Variants in TUBA1A observed in about 807,000 individuals in gnomAD.
TUBA1A encodes tubulin alpha 1a, also known as tubulin alpha-1A chain.
A neutral mutation model predicts 34.6 loss-of-function variants in TUBA1A; 7 were observed. The observed-to-expected ratio is 0.20, with a 90% CI of 0.11 to 0.38. TUBA1A has a LOEUF of 0.38. TUBA1A is among the 10% of genes least tolerant of loss of function. The probability of loss-of-function intolerance (pLI) is 1.00; values close to 1 mark genes in which losing one functional copy is unlikely to be tolerated. For missense variants in TUBA1A, 19 were observed against 581.3 expected (o/e 0.03, Z 9.95); for synonymous variants, 193 against 210.2 (o/e 0.92, Z 0.71).
chr12:49,185,841 G>C lies in TUBA1A; in HGVS notation c.525C>G (p.Pro175=). The change falls in exon 4 of 4, where the codon CCC becomes CCG. Residue 175 remains proline (P), a synonymous_variant. Coordinates refer to ENST00000301071, the MANE Select transcript of TUBA1A (RefSeq NM_006009.4). ...GCTCAACTACAGCTGTGGAAACCTGGGGCGCCGGGTAAATAGAGAACTCCA... is the reference window on the plus strand; with the variant it reads ...GCTCAACTACAGCTGTGGAAACCTGCGGCGCCGGGTAAATAGAGAACTCCA... ...SKLEFSIYPA[P]QVSTAVVEPY... is the part of the protein sequence containing the mutation. 1 of 1,613,870 alleles carries C rather than the reference G, an allele frequency of 6.2e-7. No homozygotes were observed. Among genetic ancestry groups the C allele is most frequent in the Non-Finnish European group, 8.5e-7 (1 of 1,180,008 alleles).
rs200242906 is a variant in TUBA1A at position 49,186,298 on chromosome 12, A to G, written c.375+12T>C. On this transcript the variant is annotated intron_variant, in intron 3 of 3. Transcript: ENST00000301071. This position sits in a 1 kb window ranked among gnomAD's most constrained non-coding sequence, Gnocchi z 6.6. ...GCTCATTAATTTACTTTATTCTTGA[A>G]AAGAAACATACCAGCTTGCGAATTC... is the stretch of plus-strand genomic sequence containing the variant. 9 of 1,612,974 alleles carry G rather than the reference A, an allele frequency of 5.6e-6. No homozygotes were observed. The African/African-American group carries it at 9.3e-5, about 17-fold the overall frequency.
In TUBA1A at chr12:49,186,030, T is replaced by C; in HGVS notation, c.376-40A>G. The C allele has an allele frequency of 6.2e-7, 1 of 1,613,424 alleles. No individual in the cohort carries two copies. The highest frequency in any genetic ancestry group is 8.5e-7 in the Non-Finnish European group (1 of 1,179,660). ...AGGAACAGAGGAAAGGTTAAGTTTT[T>C]ATTCTTTGTAGTACAATCATAGTAA... is the stretch of plus-strand genomic sequence containing the variant. On this transcript the variant is annotated intron_variant, in intron 3 of 3. Transcript: ENST00000301071. This position sits in a 1 kb window ranked among gnomAD's most constrained non-coding sequence, Gnocchi z 6.6.
chr12:49,188,652 G>C lies in TUBA1A; in HGVS notation c.3+325C>G, dbSNP rs1305666773. The stretch of plus-strand genomic sequence containing the variant: ...ACCGTGCGCACAGACACGGGGCCCA[G>C]CCGGGACGCCCCAGACCCCTCGGTC... On this transcript the variant is annotated intron_variant, in intron 1 of 3. Coordinates refer to ENST00000301071, the MANE Select transcript of TUBA1A (RefSeq NM_006009.4). This position sits in a 1 kb window ranked among gnomAD's most constrained non-coding sequence, Gnocchi z 4.9. 5 of 1,436,500 alleles carry C rather than the reference G, an allele frequency of 3.5e-6. No homozygotes were observed. Among genetic ancestry groups the C allele is most frequent in the Non-Finnish European group, 4.5e-6 (5 of 1,100,986 alleles). The allele number at this position is 1,436,500 out of a possible 1,614,324, so 89.0% of individuals were successfully genotyped here. A position where few individuals can be genotyped will look rare whatever the true frequency, so the allele number is the denominator to read the frequency against.
intron 1 of TUBA1A, chr12:49,187,883 G>T: frequency 1.2e-6 from 1 of 827,406 alleles, no homozygotes; most frequent in Non-Finnish European, 1.4e-6. Context: ...CACTTTCATT[G>T]TCTATTCGCT....
intron 1 of TUBA1A, chr12:49,187,812 CATA>C (rs1374695373): frequency 4.4e-5 from 43 of 979,560 alleles, no homozygotes; most frequent in Non-Finnish European, 4.8e-5. Flanking sequence ...CTACCCATCA[CATA>C]ATATTCATAT....
rs1230123777 is a variant in TUBA1A, at chr12:49,189,008, TGGC to T, written c.-32_-30del. ...TGCTGCTTCGCGACTGCCGAGCTGA[TGGC>T]GGAGACGAAGAGGAGAGGTTGTTGC... On this transcript the variant is annotated 5_prime_UTR_variant, in exon 1 of 4. Transcript: ENST00000301071. 54 of 1,614,168 alleles carry T rather than the reference TGGC, an allele frequency of 3.3e-5. No homozygotes were observed. The highest frequency in any genetic ancestry group is 4.6e-5 in the Non-Finnish European group (54 of 1,179,996).
At position 49,186,545 on chromosome 12, in the gene TUBA1A, C is replaced by T. The variant is rs1942183614; in HGVS notation, c.226+66G>A. ...GAGAGTGGGTGAGTGACCAGCGGAG[C>T]CCCCCAGGACAGACCTCCTGTCCCA... On this transcript the variant is annotated intron_variant, in intron 2 of 3. Transcript: ENST00000301071. The surrounding 1 kb of genome is among the most constrained non-coding windows in gnomAD (Gnocchi z 6.6). The T allele has an allele frequency of 3.1e-6, 5 of 1,609,416 alleles. No homozygotes were observed. In the South Asian group the frequency reaches 5.5e-5, roughly 18 times the overall value.
Position 49,189,070 on chromosome 12 carries a change from A to T in TUBA1A, c.-91T>A. ...GCGCGACTCTTAGGCGGTCGATGTA[A>T]GAGAACCTGCGGCACATAGGCGGAT... On this transcript the variant is annotated 5_prime_UTR_variant, in exon 1 of 4. Transcript: ENST00000301071. The T allele has an allele frequency of 6.4e-7, 1 of 1,558,296 alleles. No individual in the cohort carries two copies. Among genetic ancestry groups the T allele is most frequent in the East Asian group, 2.2e-5 (1 of 44,586 alleles).
At chr12:49,187,453 CATT>C (rs1942194744) in intron 1 of TUBA1A, 1 of 987,368 alleles carries the variant, frequency 1.0e-6, no homozygotes. Context: ...TACATGATCT[CATT>C]GTGCTGTTTT....
Position 49,187,475 on chromosome 12 carries a change from T to A in TUBA1A, c.4-642A>T, listed in dbSNP as rs967648019. On this transcript the variant is annotated intron_variant, in intron 1 of 3. Coordinates refer to ENST00000301071, the MANE Select transcript of TUBA1A (RefSeq NM_006009.4). ...TCTCATTGTGCTGTTTTGCCAGTTT[T>A]CCTCCTCTGACCCCGCCCGGGACCA... 3.0e-6 allele frequency: 3 copies of A among 986,252 alleles called. No individual in the cohort carries two copies. In the African/African-American group the frequency reaches 5.2e-5, roughly 17 times the overall value. The allele number at this position is 986,252 out of a possible 1,614,324, so 61.1% of individuals were successfully genotyped here.
intron 1 of TUBA1A, chr12:49,187,257 T>C (rs1274282716): frequency 2.4e-5 from 27 of 1,104,032 alleles, no homozygotes; most frequent in Non-Finnish European, 2.8e-5. Flanking sequence ...AATCCGGACA[T>C]CTGTACTGCA....
chr12:49,187,905 G>A, intron 1 of TUBA1A: 1 of 983,598 alleles, frequency 1.0e-6, no homozygotes, highest in Non-Finnish European at 1.2e-6. Flanking sequence ...ATGTGGTGGG[G>A]GCGGGGCGGG....
In TUBA1A at chr12:49,188,407, A is replaced by G. The variant is rs1448331772; in HGVS notation, c.3+570T>C. ...GACACCCGCTGCCGGGGGCTCCGGC[A>G]GAAACTCACCATGTTTTCCCGGGAA... On this transcript the variant is annotated intron_variant, in intron 1 of 3. Coordinates refer to ENST00000301071, the MANE Select transcript of TUBA1A (RefSeq NM_006009.4). The surrounding 1 kb of genome is among the most constrained non-coding windows in gnomAD (Gnocchi z 4.9). 11 of 1,535,674 alleles carry G rather than the reference A, an allele frequency of 7.2e-6. No individual in the cohort carries two copies. Among genetic ancestry groups the G allele is most frequent in the Non-Finnish European group, 9.6e-6 (11 of 1,146,746 alleles).
rs886049494 is a variant in TUBA1A, at chr12:49,189,043, C to T, written c.-64G>A. On this transcript the variant is annotated 5_prime_UTR_variant, in exon 1 of 4. Coordinates refer to ENST00000301071, the MANE Select transcript of TUBA1A (RefSeq NM_006009.4). The stretch of plus-strand genomic sequence containing the variant: ...GAAGAGGAGAGGTTGTTGCTTCTTA[C>T]AGCGCGACTCTTAGGCGGTCGATGT... 6.2e-7 allele frequency: 1 copy of T among 1,608,906 alleles called. No individual in the cohort carries two copies.
Position 49,188,948 on chromosome 12 carries a change from G to A in TUBA1A, c.3+29C>T, listed in dbSNP as rs762660170. On this transcript the variant is annotated intron_variant, in intron 1 of 3. Coordinates refer to ENST00000301071, the MANE Select transcript of TUBA1A (RefSeq NM_006009.4). This position sits in a 1 kb window ranked among gnomAD's most constrained non-coding sequence, Gnocchi z 4.9. ...CCTGGGGGCGCTGACTCCACCCAAC[G>A]GCCACAAAGAGCCGAAGCCGATTCT... 6.2e-7 allele frequency: 1 copy of A among 1,614,180 alleles called. No homozygotes were observed. Among genetic ancestry groups the A allele is most frequent in the South Asian group, 1.1e-5 (1 of 91,090 alleles).
At position 49,188,434 on chromosome 12, in the gene TUBA1A, G is replaced by C; in HGVS notation, c.3+543C>G. ...AAACTCACCATGTTTTCCCGGGAAT[G>C]TGTGGGTATCTTTCCAAAACGCCAA... On this transcript the variant is annotated intron_variant, in intron 1 of 3. Coordinates refer to ENST00000301071, the MANE Select transcript of TUBA1A (RefSeq NM_006009.4). The surrounding 1 kb of genome is among the most constrained non-coding windows in gnomAD (Gnocchi z 4.9). The C allele has an allele frequency of 6.5e-7, 1 of 1,535,956 alleles. No individual in the cohort carries two copies. Among genetic ancestry groups the C allele is most frequent in the Non-Finnish European group, 8.7e-7 (1 of 1,146,820 alleles).
Position 49,189,048 on chromosome 12 carries a change from C to T in TUBA1A, c.-69G>A, listed in dbSNP as rs371310839. On this transcript the variant is annotated 5_prime_UTR_variant, in exon 1 of 4. Coordinates refer to ENST00000301071, the MANE Select transcript of TUBA1A (RefSeq NM_006009.4). ...GGAGAGGTTGTTGCTTCTTACAGCG[C>T]GACTCTTAGGCGGTCGATGTAAGAG... The T allele has an allele frequency of 3.1e-6, 5 of 1,606,208 alleles. No homozygotes were observed. The highest frequency in any genetic ancestry group is 1.1e-5 in the South Asian group (1 of 90,948).
intron 1 of TUBA1A, chr12:49,187,905 G>C: frequency 1.0e-6 from 1 of 983,598 alleles, no homozygotes; most frequent in Non-Finnish European, 1.2e-6. Flanking sequence ...ATGTGGTGGG[G>C]GCGGGGCGGG....
In TUBA1A at chr12:49,188,698, G is replaced by A; in HGVS notation, c.3+279C>T. On this transcript the variant is annotated intron_variant, in intron 1 of 3. Coordinates refer to ENST00000301071, the MANE Select transcript of TUBA1A (RefSeq NM_006009.4). This position sits in a 1 kb window ranked among gnomAD's most constrained non-coding sequence, Gnocchi z 4.9. ...CGGTCGCGGCAGACGGGCTGCCCGC[G>A]GCCCCCGAAAGTCTCTCGGATAACA... 2 of 1,438,244 alleles carry A rather than the reference G, an allele frequency of 1.4e-6. No individual in the cohort carries two copies. The highest frequency in any genetic ancestry group is 9.1e-7 in the Non-Finnish European group (1 of 1,103,254). The allele number at this position is 1,438,244 out of a possible 1,614,324, so 89.1% of individuals were successfully genotyped here. A position where few individuals can be genotyped will look rare whatever the true frequency, so the allele number is the denominator to read the frequency against.
Sources: allele counts gnomAD v4.1 joint callset, GRCh38; gene constraint gnomAD v4.1.1; non-coding constraint Gnocchi (gnomAD v3.1); transcripts MANE v1.5; gene names NCBI Gene and HGNC (gene_info 2026-07-23, HGNC 2026-07-21).